SOX6: variants seen among roughly 807,000 people sequenced by gnomAD.
The protein encoded by SOX6 is transcription factor SOX-6.
A neutral mutation model predicts 97.8 loss-of-function variants in SOX6; 11 were observed. The ratio of observed to expected loss-of-function variants is 0.11; its 90% CI spans 0.07 to 0.19. SOX6 has a LOEUF of 0.19. Ranked by LOEUF, SOX6 falls within the 10% of genes least tolerant of loss-of-function variation. SOX6 has a pLI of 1.00. For synonymous variants in SOX6, 360 were observed against 371.4 expected, an observed-to-expected ratio of 0.97 and a Z score of 0.35; for missense variants, 810 against 1,039.5, an observed-to-expected ratio of 0.78 and a Z score of 3.04.
chr11:16,523,225 C>G (rs1233585631), intron 4 of SOX6, among the ~76,000 whole-genome samples: 10 of 151,942 alleles, frequency 6.6e-5, no homozygotes, highest in Admixed American at 1.3e-4. Flanking sequence ...TGACCACATA[C>G]TTGGAAGTAA....
chr11:16,737,300 G>A (rs1848398933), intron 1 of SOX6, among the ~76,000 whole-genome samples: 1 of 152,074 alleles, frequency 6.6e-6, no homozygotes, highest in African/African-American at 2.4e-5. Context: ...TCCGCCTCCC[G>A]GGTTCAAGCG....
At chr11:16,723,121 T>C (rs1272650181) in intron 2 of SOX6, among the ~76,000 whole-genome samples, 1 of 152,148 alleles carries the variant, frequency 6.6e-6, no homozygotes, top group Non-Finnish European at 1.5e-5. Flanking sequence ...ATAGTACATA[T>C]ACACCATGGA....
intron 3 of SOX6, among the ~76,000 whole-genome samples, chr11:16,644,627 A>G (rs1848983972): frequency 6.6e-6 from 1 of 152,162 alleles, no homozygotes; most frequent in South Asian, 2.1e-4. Flanking sequence ...TAAGTTAATG[A>G]CACTGTGTTA....
At chr11:16,538,471 A>G (rs1348205115) in intron 4 of SOX6, among the ~76,000 whole-genome samples, 2 of 152,224 alleles carry the variant, frequency 1.3e-5, no homozygotes, top group Non-Finnish European at 2.9e-5. Context: ...ATTCACACAT[A>G]ACAATATTAA....
Position 16,111,890 on chromosome 11 carries a change from T to C in SOX6, c.811A>G (p.Ile271Val), listed in dbSNP as rs1849239700. ...QGHMPPLMIP[I>V]FPHDQRTLAA... ...AGAGTCCGCTGGTCATGTGGAAAAATTGGGATCATGAGCGGAGGCATGTGA... is the reference window on the plus strand; with the variant it reads ...AGAGTCCGCTGGTCATGTGGAAAAACTGGGATCATGAGCGGAGGCATGTGA... Residue 271 changes from isoleucine to valine, a missense_variant, in exon 7 of 16, where the codon ATT becomes GTT. Ile to Val is a conservative substitution (Grantham distance 29). Coordinates refer to ENST00000683767, the MANE Select transcript of SOX6 (RefSeq NM_001367873.1). 2 of 1,612,546 alleles carry C rather than the reference T, an allele frequency of 1.2e-6. No homozygotes were observed. The highest frequency in any genetic ancestry group is 8.5e-7 in the Non-Finnish European group (1 of 1,179,928).
intron 4 of SOX6, among the ~76,000 whole-genome samples, chr11:16,190,512 A>G (rs904522533): frequency 6.6e-6 from 1 of 152,248 alleles, no homozygotes; most frequent in Non-Finnish European, 1.5e-5. Flanking sequence ...TAATCCACAG[A>G]TGATATGAAG....
Position 15,986,151 on chromosome 11 carries a change from T to C in SOX6, c.2183+53A>G, listed in dbSNP as rs1445844304. ...AAACATACTGCCAGTAGCCATCCTATAGTTACTTACCGCAAAAGTAAAGCC... is the reference window on the plus strand; with the variant it reads ...AAACATACTGCCAGTAGCCATCCTACAGTTACTTACCGCAAAAGTAAAGCC... On this transcript the variant is annotated intron_variant, in intron 15 of 15. Coordinates refer to ENST00000683767, the MANE Select transcript of SOX6 (RefSeq NM_001367873.1). 4.0e-6 allele frequency: 6 copies of C among 1,499,790 alleles called. No individual in the cohort carries two copies. In the East Asian group the frequency reaches 1.1e-4, roughly 28 times the overall value. The allele number at this position is 1,499,790 out of a possible 1,614,324, so 92.9% of individuals were successfully genotyped here. A position where few individuals can be genotyped will look rare whatever the true frequency, so the allele number is the denominator to read the frequency against.
At chr11:16,530,970 AAT>A (rs1281892898) in intron 4 of SOX6, among the ~76,000 whole-genome samples, 2 of 147,638 alleles carry the variant, frequency 1.4e-5, no homozygotes, top group Admixed American at 6.8e-5. Context: ...ATAGAATGTA[AAT>A]ATATATAAAT....
chr11:16,044,963 T>G (rs1855782280), intron 12 of SOX6, among the ~76,000 whole-genome samples: 1 of 140,424 alleles, frequency 7.1e-6, no homozygotes, highest in Non-Finnish European at 1.6e-5. Flanking sequence ...TATCTGTCTA[T>G]CTGTCTATCT....
At chr11:16,568,337 C>A (rs568297452) in intron 4 of SOX6, among the ~76,000 whole-genome samples, 3 of 152,046 alleles carry the variant, frequency 2.0e-5, no homozygotes, top group African/African-American at 7.2e-5. Flanking sequence ...TGAAAAACAG[C>A]CAGACACAAA....
intron 4 of SOX6, among the ~76,000 whole-genome samples, chr11:16,599,395 C>A (rs139812546): frequency 6.6e-6 from 1 of 152,220 alleles, no homozygotes; most frequent in African/African-American, 2.4e-5. Context: ...ACAGGACTAC[C>A]AATTGTTAGA....
chr11:16,075,637 C>T (rs1848335733), intron 9 of SOX6, among the ~76,000 whole-genome samples: 1 of 151,990 alleles, frequency 6.6e-6, no homozygotes, highest in Admixed American at 6.6e-5. Flanking sequence ...AGGGGAATAT[C>T]ACACACCAAG....
At chr11:16,210,592 A>T (rs1852194273) in intron 4 of SOX6, among the ~76,000 whole-genome samples, 1 of 152,108 alleles carries the variant, frequency 6.6e-6, no homozygotes, top group Non-Finnish European at 1.5e-5. Context: ...TTGCAGTATA[A>T]ACTAACTAGA....
intron 6 of SOX6, among the ~76,000 whole-genome samples, chr11:16,161,550 G>T (rs1165381425): frequency 6.6e-6 from 1 of 152,056 alleles, no homozygotes; most frequent in Non-Finnish European, 1.5e-5. Flanking sequence ...TCTGAAAAGG[G>T]CACAAAGAGT....
upstream of SOX6, among the ~76,000 whole-genome samples, chr11:16,356,711 T>C (rs186720226): frequency 3.0e-3 from 462 of 152,144 alleles, 2 homozygotes; most frequent in African/African-American, 0.01. Context: ...AGGGGCCCCT[T>C]TTAGGAAAAC....
At chr11:16,317,969 T>G (rs966739478) in intron 3 of SOX6, 2 of 453,358 alleles carry the variant, frequency 4.4e-6, no homozygotes, top group Admixed American at 2.4e-5. Flanking sequence ...TACTTTCAGT[T>G]TTAACAATGT....
chr11:16,719,073 G>A (rs898239463), intron 2 of SOX6, among the ~76,000 whole-genome samples: 10 of 150,094 alleles, frequency 6.7e-5, no homozygotes, highest in Non-Finnish European at 1.5e-4. Flanking sequence ...ATTTTAAAAT[G>A]TAATTTCCAA....
At chr11:16,286,634 C>T (rs983470142) in intron 3 of SOX6, among the ~76,000 whole-genome samples, 29 of 152,152 alleles carry the variant, frequency 1.9e-4, no homozygotes, top group African/African-American at 6.5e-4. Context: ...AAAGGAAATG[C>T]TAGCAGACAT....
intron 12 of SOX6, among the ~76,000 whole-genome samples, chr11:16,032,571 A>G (rs1855406587): frequency 1.3e-5 from 2 of 152,038 alleles, no homozygotes. Context: ...CTATGTGGAG[A>G]AATACACTCC....
Sources: allele counts gnomAD v4.1 joint callset (sites outside exome capture counted in the v4.1 genomes callset), GRCh38; gene constraint gnomAD v4.1.1; transcripts MANE v1.5; gene names NCBI Gene and HGNC (gene_info 2026-07-23, HGNC 2026-07-21).